Variants in TMEFF1 observed in about 807,000 individuals in gnomAD.
TMEFF1 encodes transmembrane protein with EGF like and two follistatin like domains 1, also known as tomoregulin-1.
TMEFF1 carries 20 observed loss-of-function variants against 47.5 expected under a neutral mutation model. The ratio of observed to expected loss-of-function variants is 0.42; its 90% CI spans 0.30 to 0.61. The LOEUF (loss-of-function observed/expected upper bound fraction) is 0.61, where lower values mean the gene tolerates loss of function less well. TMEFF1 is among the 20% of genes least tolerant of loss of function. The pLI, the probability that TMEFF1 is intolerant of heterozygous loss-of-function variation, is 0.19. For missense variants in TMEFF1, 411 were observed against 471.1 expected (o/e 0.87, Z 1.18); for synonymous variants, 162 against 166.3 (o/e 0.97, Z 0.20).
intron 8 of TMEFF1, among the ~76,000 whole-genome samples, chr9:100,568,785 C>T (rs894996744): frequency 6.6e-6 from 1 of 152,128 alleles, no homozygotes; most frequent in African/African-American, 2.4e-5. Context: ...TATAGACTTA[C>T]CTATTCTGGA....
intron 7 of TMEFF1, 90 bp downstream of exon 7, chr9:100,550,250 C>A (rs1184753983): frequency 3.0e-6 from 4 of 1,329,580 alleles, no homozygotes; most frequent in Non-Finnish European, 4.1e-6. Flanking sequence ...TATAACAACA[C>A]CTCTAACTTT....
intron 2 of TMEFF1, among the ~76,000 whole-genome samples, chr9:100,502,575 T>A (rs1337525461): frequency 6.6e-6 from 1 of 152,112 alleles, no homozygotes; most frequent in Non-Finnish European, 1.5e-5. Flanking sequence ...TTGCCCAGAC[T>A]GGTCTTGAAC....
intron 8 of TMEFF1, among the ~76,000 whole-genome samples, chr9:100,565,787 A>G (rs1004737655): frequency 2.0e-5 from 3 of 152,212 alleles, no homozygotes; most frequent in Non-Finnish European, 4.4e-5. Flanking sequence ...TATCTCATAT[A>G]TATTGATAAA....
chr9:100,516,618 C>T, intron 4 of TMEFF1, 57 bp from the exon 5 acceptor site: 1 of 1,582,914 alleles, frequency 6.3e-7, no homozygotes, highest in Non-Finnish European at 8.6e-7. Flanking sequence ...AAACATGAAG[C>T]ATATCTGGAA....
chr9:100,482,917 C>T (rs980288386), intron 1 of TMEFF1, among the ~76,000 whole-genome samples: 1 of 152,128 alleles, frequency 6.6e-6, no homozygotes, highest in African/African-American at 2.4e-5. Context: ...TATTTGAAAC[C>T]TACCCTGCTA....
At chr9:100,545,177 C>T (rs779749065) in intron 5 of TMEFF1, among the ~76,000 whole-genome samples, 14 of 152,212 alleles carry the variant, frequency 9.2e-5, no homozygotes, top group African/African-American at 2.4e-4. Context: ...CTCTGTGTGG[C>T]GGCTCTGACC....
At chr9:100,474,004 C>T (rs1487916320) in intron 1 of TMEFF1, among the ~76,000 whole-genome samples, 2 of 144,612 alleles carry the variant, frequency 1.4e-5, no homozygotes, top group African/African-American at 2.9e-5. Context: ...GCGGTGGGGC[C>T]GGGGCCGGGG....
rs760072093 is a variant in TMEFF1 at position 100,577,518 on chromosome 9, T to C, written c.*918T>C. 4 of 152,518 alleles carry C rather than the reference T, an allele frequency of 2.6e-5. No homozygotes were observed. Among genetic ancestry groups the C allele is most frequent in the Non-Finnish European group, 4.4e-5 (3 of 68,070 alleles). The allele number at this position is 152,518 out of a possible 1,614,324, so 9.4% of individuals were successfully genotyped here. A position where few individuals can be genotyped will look rare whatever the true frequency, so the allele number is the denominator to read the frequency against. ...AGTGTGAGTAGAATGTATTCAGCTG[T>C]TTAACATGTAGTTTAGATATTCAAA... On this transcript the variant is annotated 3_prime_UTR_variant, in exon 10 of 10. Transcript: ENST00000374879.
intron 7 of TMEFF1, among the ~76,000 whole-genome samples, chr9:100,554,738 G>A (rs545309249): frequency 9.2e-5 from 14 of 151,840 alleles, no homozygotes; most frequent in Non-Finnish European, 1.9e-4. Flanking sequence ...AGGATGTGTG[G>A]AGGGATATGT....
chr9:100,543,634 C>A (rs1389334188), intron 5 of TMEFF1, among the ~76,000 whole-genome samples: 1 of 151,366 alleles, frequency 6.6e-6, no homozygotes, highest in Admixed American at 6.6e-5. Flanking sequence ...CCCTGGGCCA[C>A]ATTGGAAGAA....
chr9:100,545,103 G>A (rs528277650), intron 5 of TMEFF1, among the ~76,000 whole-genome samples: 1 of 152,326 alleles, frequency 6.6e-6, no homozygotes, highest in East Asian at 1.9e-4. Flanking sequence ...CAGTAGATCT[G>A]TCATTCTGGG....
intron 5 of TMEFF1, among the ~76,000 whole-genome samples, chr9:100,542,923 CTTTTTTT>C (rs34994276): frequency 1.3e-4 from 14 of 104,588 alleles, no homozygotes; most frequent in African/African-American, 4.2e-4. Flanking sequence ...CTCTCTCTCT[CTTTTTTT>C]TTTTTTTTTT....
At position 100,525,167 on chromosome 9, in the gene TMEFF1, A is replaced by G. The variant is rs1838233020; in HGVS notation, c.560+8396A>G. On this transcript the variant is annotated intron_variant, in intron 5 of 9. Transcript: ENST00000374879. ...TCCCTTCAGTGTGGTGTCTTTTCCA[A>G]CAACAATCGATTTTCCAACTCTCTG... 2.6e-5 allele frequency among the ~76,000 whole-genome samples: 4 copies of G among 152,274 alleles called. No homozygotes were observed. In the South Asian group the frequency reaches 8.3e-4, roughly 32 times the overall value.
At chr9:100,563,797 T>G (rs1839068243) in intron 8 of TMEFF1, among the ~76,000 whole-genome samples, 1 of 152,198 alleles carries the variant, frequency 6.6e-6, no homozygotes, top group Admixed American at 6.5e-5. Context: ...CAGTAAATAT[T>G]TTTTGAATGA....
intron 1 of TMEFF1, among the ~76,000 whole-genome samples, chr9:100,495,658 C>A (rs1837638070): frequency 6.6e-6 from 1 of 152,088 alleles, no homozygotes; most frequent in Non-Finnish European, 1.5e-5. Flanking sequence ...TATGCATGAA[C>A]ACACATGAAA....
chr9:100,569,568 T>G (rs1291123902), intron 8 of TMEFF1, among the ~76,000 whole-genome samples: 1 of 152,170 alleles, frequency 6.6e-6, no homozygotes, highest in Non-Finnish European at 1.5e-5. Context: ...TTTGTTGTTG[T>G]TGTTGCTTTT....
intron 8 of TMEFF1, among the ~76,000 whole-genome samples, chr9:100,571,588 A>G (rs966408938): frequency 8.7e-5 from 13 of 149,918 alleles, no homozygotes; most frequent in Admixed American, 2.0e-4. Context: ...GTGGTCCCCA[A>G]CCTTTTTGTT....
chr9:100,520,750 G>A (rs1486184914), intron 5 of TMEFF1, among the ~76,000 whole-genome samples: 2 of 152,156 alleles, frequency 1.3e-5, no homozygotes, highest in Non-Finnish European at 2.9e-5. Context: ...AGTAGAGCAA[G>A]GAAGTATTAT....
intron 3 of TMEFF1, among the ~76,000 whole-genome samples, chr9:100,510,149 G>T (rs1435874265): frequency 6.6e-6 from 1 of 152,110 alleles, no homozygotes; most frequent in Admixed American, 6.5e-5. Flanking sequence ...AGTCAAAGGG[G>T]ACAGTCTCCA....
Sources: gnomAD v4.1 joint callset for allele counts (sites outside exome capture counted in the v4.1 genomes callset) on GRCh38, gnomAD v4.1.1 for gene constraint, MANE v1.5 for transcripts, NCBI Gene and HGNC (gene_info 2026-07-23, HGNC 2026-07-21) for gene names.